The following SRPK2 variants were observed in gnomAD, a reference collection of about 807,000 sequenced individuals.
The protein encoded by SRPK2 is SFRS protein kinase 2.
In SRPK2, 21 loss-of-function variants were observed where a neutral mutation model predicts 90.8. That is an observed-to-expected ratio of 0.23 (90% CI 0.16 to 0.33). The LOEUF is 0.33. Among genes scored for constraint, SRPK2 ranks in the 10% least tolerant of loss-of-function variants. The pLI, the probability that SRPK2 is intolerant of heterozygous loss-of-function variation, is 1.00. For synonymous variants in SRPK2, 288 were observed against 311.1 expected (o/e 0.93, Z 0.78); for missense variants, 620 against 869.0 (o/e 0.71, Z 3.60).
At chr7:105,182,532 A>C (rs1246465877) in intron 3 of SRPK2, among the ~76,000 whole-genome samples, 2 of 147,192 alleles carry the variant, frequency 1.4e-5, no homozygotes, top group South Asian at 2.3e-4. Context: ...GCTCACTGCA[A>C]CCTCCACCTC....
rs749421362 is a variant in SRPK2, at chr7:105,117,855, G to A, written c.2083C>T (p.Pro695Ser). The change falls in exon 16 of 16, where the codon CCT becomes TCT. Residue 695 changes from proline (P) to serine (S), a missense_variant. Physicochemically the swap from Pro to Ser is moderately conservative, Grantham distance 74. Coordinates refer to ENST00000393651, the MANE Select transcript of SRPK2 (RefSeq NM_182692.3). Reference sequence around the variant, plus strand: ...AGAATTTGCTAAGAATTCAACCAAGGATGCCGAAGGCATTCGCCAGCTGAG... The same window carrying A: ...AGAATTTGCTAAGAATTCAACCAAGAATGCCGAAGGCATTCGCCAGCTGAG... The part of the protein sequence containing the change: ...RASAGECLRH[P>S]WLNS The A allele has an allele frequency of 3.7e-6, 6 of 1,612,680 alleles. No individual in the cohort carries two copies. The highest frequency in any genetic ancestry group is 3.3e-5 in the South Asian group (3 of 91,014).
intron 2 of SRPK2, among the ~76,000 whole-genome samples, chr7:105,362,643 T>C (rs1457891619): frequency 6.6e-6 from 1 of 152,080 alleles, no homozygotes; most frequent in African/African-American, 2.4e-5. Flanking sequence ...TGTGGTGATT[T>C]CTCAAGGATC....
At chr7:105,329,384 T>C (rs1318292353) in intron 2 of SRPK2, among the ~76,000 whole-genome samples, 1 of 152,046 alleles carries the variant, frequency 6.6e-6, no homozygotes, top group African/African-American at 2.4e-5. Flanking sequence ...CAGACCTAGT[T>C]AAGATTCTGA....
At chr7:105,270,252 G>A (rs1018548511) in intron 2 of SRPK2, among the ~76,000 whole-genome samples, 2 of 152,316 alleles carry the variant, frequency 1.3e-5, no homozygotes, top group South Asian at 4.1e-4. Flanking sequence ...GGAGAGCAGA[G>A]CACAGCGCCT....
chr7:105,130,191 C>T (rs1044132205), intron 13 of SRPK2, among the ~76,000 whole-genome samples: 3 of 152,316 alleles, frequency 2.0e-5, no homozygotes, highest in African/African-American at 7.2e-5. Context: ...CTGACAATAG[C>T]CAATGGCTAC....
intron 3 of SRPK2, among the ~76,000 whole-genome samples, chr7:105,179,658 C>T (rs1249224020): frequency 1.3e-5 from 2 of 151,696 alleles, no homozygotes; most frequent in African/African-American, 2.4e-5. Context: ...AACCGCATCT[C>T]CACTAAAAAT....
At position 105,205,921 on chromosome 7, in the gene SRPK2, C is replaced by T. The variant is rs76393270; in HGVS notation, c.72-2136G>A. Reference sequence around the variant, plus strand: ...ACTTTATATAAAAAATGAGTACATTCTCTGAAAACACACACACACACACAC... The same window carrying T: ...ACTTTATATAAAAAATGAGTACATTTTCTGAAAACACACACACACACACAC... On this transcript the variant is annotated intron_variant, in intron 2 of 15. Transcript: ENST00000393651. 1,497 of 492,018 alleles carry T rather than the reference C, an allele frequency of 3.0e-3. 21 individuals are homozygous for T. The highest frequency in any genetic ancestry group is 0.027 in the African/African-American group (1,326 of 49,872). 30.5% of individuals were successfully genotyped at this position (492,018 alleles called of 1,614,324 possible). A position where few individuals can be genotyped will look rare whatever the true frequency, so the allele number is the denominator to read the frequency against.
At chr7:105,257,249 C>A (rs1803454421) in intron 2 of SRPK2, among the ~76,000 whole-genome samples, 1 of 152,032 alleles carries the variant, frequency 6.6e-6, no homozygotes, top group Admixed American at 6.6e-5. Flanking sequence ...TCTTCCAGCC[C>A]CAGTACATAA....
chr7:105,197,291 T>C (rs543488101), intron 3 of SRPK2, among the ~76,000 whole-genome samples: 2 of 152,268 alleles, frequency 1.3e-5, no homozygotes, highest in East Asian at 3.9e-4. Flanking sequence ...ACTTATAATA[T>C]TTTATGCTCT....
chr7:105,337,700 T>C (rs114588076), intron 2 of SRPK2, among the ~76,000 whole-genome samples: 128 of 152,234 alleles, frequency 8.4e-4, no homozygotes, highest in African/African-American at 3.0e-3. Flanking sequence ...ACAGAAGGCA[T>C]CTGCAAGCCA....
At chr7:105,350,809 A>C (rs928460484) in intron 2 of SRPK2, among the ~76,000 whole-genome samples, 17 of 152,108 alleles carry the variant, frequency 1.1e-4, no homozygotes, top group Admixed American at 6.6e-5. Flanking sequence ...CCATTTTACA[A>C]ATGAGAAAAC....
intron 3 of SRPK2, among the ~76,000 whole-genome samples, chr7:105,182,298 T>TA (rs1325678200): frequency 6.7e-6 from 1 of 149,518 alleles, no homozygotes; most frequent in African/African-American, 2.5e-5. Context: ...AGCCCTGACG[T>TA]AAAAAAGGAT....
intron 2 of SRPK2, among the ~76,000 whole-genome samples, chr7:105,261,373 T>G (rs1804257993): frequency 6.6e-6 from 1 of 151,902 alleles, no homozygotes; most frequent in Admixed American, 6.6e-5. Context: ...TACAAAAAAT[T>G]AGCCAGGCAT....
At chr7:105,314,770 A>G (rs188807935) in intron 2 of SRPK2, among the ~76,000 whole-genome samples, 3 of 152,392 alleles carry the variant, frequency 2.0e-5, no homozygotes, top group African/African-American at 7.2e-5. Flanking sequence ...ATAGGTGTAT[A>G]GCACATTACA....
At position 105,233,149 on chromosome 7, in the gene SRPK2, A is replaced by AAGGAAGGAAGGG. The variant is rs1175923030; in HGVS notation, c.72-29365_72-29364insCCCTTCCTTCCT. 3.1e-3 allele frequency among the ~76,000 whole-genome samples: 464 copies of AAGGAAGGAAGGG among 147,338 alleles called. 6 individuals are homozygous for AAGGAAGGAAGGG. The highest frequency in any genetic ancestry group is 0.011 in the African/African-American group (445 of 39,666). On this transcript the variant is annotated intron_variant, in intron 2 of 15. Transcript: ENST00000393651. The stretch of plus-strand genomic sequence containing the variant: ...GAAGGAAGGAAGGAAGGAAGGAAGG[A>AAGGAAGGAAGGG]AGGGGAAAGGGAAGGAAGGAGTTTA...
chr7:105,272,441 T>G (rs114099312), intron 2 of SRPK2, among the ~76,000 whole-genome samples: 3 of 152,240 alleles, frequency 2.0e-5, no homozygotes, highest in Non-Finnish European at 2.9e-5. Context: ...ATGGTTGCTT[T>G]TATTTTTAGT....
chr7:105,227,025 T>C (rs548554811), intron 2 of SRPK2, among the ~76,000 whole-genome samples: 1 of 152,240 alleles, frequency 6.6e-6, no homozygotes. Flanking sequence ...TGGCACCCTC[T>C]AGCGCTTGTG....
intron 2 of SRPK2, among the ~76,000 whole-genome samples, chr7:105,225,552 T>G (rs1047516088): frequency 1.3e-5 from 2 of 152,192 alleles, no homozygotes; most frequent in African/African-American, 4.8e-5. Context: ...ATGACACATA[T>G]CCTATATTTT....
At chr7:105,371,934 A>AC (rs1171820216) in intron 2 of SRPK2, among the ~76,000 whole-genome samples, 1 of 152,070 alleles carries the variant, frequency 6.6e-6, no homozygotes, top group Non-Finnish European at 1.5e-5. Context: ...GGAGATCGAG[A>AC]CCATTCTGGC....
Sources: allele counts gnomAD v4.1 joint callset (sites outside exome capture counted in the v4.1 genomes callset), GRCh38; gene constraint gnomAD v4.1.1; transcripts MANE v1.5; gene names NCBI Gene and HGNC (gene_info 2026-07-23, HGNC 2026-07-21).